Variants in CTNNA3 observed in about 807,000 individuals in gnomAD.
The protein encoded by CTNNA3 is catenin alpha 3.
A neutral mutation model predicts 95.7 loss-of-function variants in CTNNA3; 76 were observed. The observed-to-expected ratio is 0.79, with a 90% confidence interval of 0.66 to 0.96. The LOEUF (loss-of-function observed/expected upper bound fraction) is 0.96, where lower values mean the gene tolerates loss of function less well. Ranked by LOEUF, CTNNA3 falls within the 40% of genes least tolerant of loss-of-function variation. The probability of loss-of-function intolerance (pLI) is 0.00; values close to 1 mark genes in which losing one functional copy is unlikely to be tolerated. For missense variants in CTNNA3, 1,191 were observed against 1,089.8 expected (o/e 1.09, Z -1.31); for synonymous variants, 431 against 374.4 (o/e 1.15, Z -1.74).
intron 13 of CTNNA3, among the ~76,000 whole-genome samples, chr10:66,251,037 T>G (rs1036914706): frequency 2.0e-5 from 3 of 152,136 alleles, no homozygotes; most frequent in African/African-American, 7.2e-5. Flanking sequence ...GAATGAGAGG[T>G]GATTCCTGCT....
At chr10:66,405,425 G>C (rs2093049540) in intron 11 of CTNNA3, among the ~76,000 whole-genome samples, 1 of 152,076 alleles carries the variant, frequency 6.6e-6, no homozygotes, top group Non-Finnish European at 1.5e-5. Flanking sequence ...CGAATAGAGT[G>C]CTAAATGATT....
intron 3 of CTNNA3, among the ~76,000 whole-genome samples, chr10:67,599,817 T>G (rs1228791232): frequency 6.6e-6 from 1 of 152,180 alleles, no homozygotes; most frequent in African/African-American, 2.4e-5. Flanking sequence ...AATTGATCCA[T>G]AGATCTAATC....
chr10:66,868,223 G>T (rs2132431861), intron 7 of CTNNA3, among the ~76,000 whole-genome samples: 1 of 150,594 alleles, frequency 6.6e-6, no homozygotes, highest in Admixed American at 6.6e-5. Flanking sequence ...CGGGCATGGG[G>T]GTGTGGTAGC....
chr10:66,637,713 T>TC (rs1845383418), intron 9 of CTNNA3, among the ~76,000 whole-genome samples: 1 of 152,238 alleles, frequency 6.6e-6, no homozygotes, highest in African/African-American at 2.4e-5. Context: ...AATGAGCACC[T>TC]CCCCCTTGGG....
chr10:67,372,671 T>C (rs1402479842), intron 5 of CTNNA3, among the ~76,000 whole-genome samples: 1 of 152,008 alleles, frequency 6.6e-6, no homozygotes, highest in Non-Finnish European at 1.5e-5. Flanking sequence ...AGACACATAA[T>C]TGTCAGATTC....
chr10:66,661,334 C>A (rs1846257004), intron 9 of CTNNA3, among the ~76,000 whole-genome samples: 1 of 152,012 alleles, frequency 6.6e-6, no homozygotes, highest in Non-Finnish European at 1.5e-5. Flanking sequence ...AAGAGACAAA[C>A]CCCTGATAAA....
chr10:67,220,524 A>G (rs1864605590), intron 5 of CTNNA3, among the ~76,000 whole-genome samples: 1 of 152,194 alleles, frequency 6.6e-6, no homozygotes, highest in African/African-American at 2.4e-5. Context: ...AATGAACTAG[A>G]TGAACAAATA....
intron 13 of CTNNA3, chr10:66,118,148 G>GT (rs1280474026): frequency 2.6e-5 from 4 of 152,336 alleles, no homozygotes; most frequent in Admixed American, 6.5e-5. Flanking sequence ...CCAGAGTTAA[G>GT]TAATAATAAA....
intron 9 of CTNNA3, among the ~76,000 whole-genome samples, chr10:66,629,544 G>C (rs1489229359): frequency 6.6e-6 from 1 of 152,018 alleles, no homozygotes; most frequent in East Asian, 1.9e-4. Flanking sequence ...TCCAGTTTTA[G>C]CTTTTGTTGT....
chr10:66,467,446 T>G (rs1417736935), intron 11 of CTNNA3, among the ~76,000 whole-genome samples: 1 of 152,058 alleles, frequency 6.6e-6, no homozygotes, highest in Non-Finnish European at 1.5e-5. Flanking sequence ...ACCATATCTC[T>G]TACCCACTCC....
Position 66,987,856 on chromosome 10 carries a change from G to T in CTNNA3, c.1047+192461C>A, listed in dbSNP as rs79602307. 7.1e-3 allele frequency among the ~76,000 whole-genome samples: 1,085 copies of T among 152,228 alleles called. 62 individuals are homozygous for T. In the East Asian group the frequency reaches 0.13, roughly 19 times the overall value. ...TTTAATCAGTGGCTTTACAATTTAA[G>T]TTAGTTTACAATGAATTAAAGGAAC... On this transcript the variant is annotated intron_variant, in intron 7 of 17. Coordinates refer to ENST00000433211, the MANE Select transcript of CTNNA3 (RefSeq NM_013266.4).
intron 4 of CTNNA3, among the ~76,000 whole-genome samples, chr10:67,524,134 T>G (rs1225981429): frequency 6.6e-6 from 1 of 152,010 alleles, no homozygotes; most frequent in East Asian, 1.9e-4. Flanking sequence ...CCGGGCGCGG[T>G]GGCTCACGCC....
intron 1 of CTNNA3, among the ~76,000 whole-genome samples, chr10:67,743,600 G>A (rs533308299): frequency 9.2e-5 from 14 of 151,392 alleles, no homozygotes; most frequent in African/African-American, 1.7e-4. Flanking sequence ...ACAAGACAGG[G>A]ATGCCCTCTC....
chr10:66,082,997 G>GA (rs1449363396), intron 14 of CTNNA3, among the ~76,000 whole-genome samples: 1 of 151,156 alleles, frequency 6.6e-6, no homozygotes, highest in Admixed American at 6.6e-5. Context: ...TTTTCCTGAA[G>GA]AAAAAGAGTC....
In CTNNA3 at chr10:67,679,993, G is replaced by A. The variant is rs554095909; in HGVS notation, c.-6+16007C>T. On this transcript the variant is annotated intron_variant, in intron 1 of 17. Coordinates refer to ENST00000433211, the MANE Select transcript of CTNNA3 (RefSeq NM_013266.4). ...TAATAAGGGACTGGTTAAATAAATT[G>A]TCATATATTCTTTCATTGGTCTGAC... Among the ~76,000 whole-genome samples the A allele has an allele frequency of 2.5e-4, 38 of 152,322 alleles. 1 individual carries two copies. The highest frequency in any genetic ancestry group is 8.9e-4 in the African/African-American group (37 of 41,582).
intron 1 of CTNNA3, 125 bp downstream of exon 1, chr10:67,695,875 T>C (rs1236855765): frequency 6.6e-6 from 1 of 152,222 alleles, no homozygotes; most frequent in Non-Finnish European, 1.5e-5. Context: ...AATAATGTGA[T>C]CTTCCTCAGT....
intron 1 of CTNNA3, among the ~76,000 whole-genome samples, chr10:67,657,847 C>CAAAAAAAAAAAAAAAAAAA (rs200763142): frequency 5.0e-5 from 2 of 40,402 alleles, no homozygotes; most frequent in Non-Finnish European, 1.2e-4. Flanking sequence ...AATTCCATCT[C>CAAAAAAAAAAAAAAAAAAA]AAAAAAAAAA....
intron 1 of CTNNA3, among the ~76,000 whole-genome samples, chr10:67,755,819 A>AAAAG (rs755236317): frequency 0.11 from 15,298 of 143,078 alleles, 972 homozygotes; most frequent in Non-Finnish European, 0.14. Context: ...AAAAAAAAAA[A>AAAAG]AAAGAAAGAA....
At chr10:67,498,296 T>C (rs1839102746) in intron 5 of CTNNA3, among the ~76,000 whole-genome samples, 1 of 152,224 alleles carries the variant, frequency 6.6e-6, no homozygotes, top group South Asian at 2.1e-4. Flanking sequence ...GGTCTATATA[T>C]CTGTTTTGGT....
Sources: allele counts gnomAD v4.1 joint callset (sites outside exome capture counted in the v4.1 genomes callset), GRCh38; gene constraint gnomAD v4.1.1; transcripts MANE v1.5; gene names NCBI Gene and HGNC (gene_info 2026-07-23, HGNC 2026-07-21).